Variants in RNF157 observed in about 807,000 individuals in gnomAD.
RNF157 encodes ring finger protein 157, also known as E3 ubiquitin ligase RNF157.
Under a neutral mutation model 88.3 loss-of-function variants are expected in RNF157, and 55 were observed. The observed-to-expected ratio is 0.62, with a 90% confidence interval of 0.50 to 0.78. The LOEUF is 0.78. Among genes scored for constraint, RNF157 ranks in the 30% least tolerant of loss-of-function variants. RNF157 has a pLI of 0.00. For synonymous variants in RNF157, 334 were observed against 341.2 expected (o/e 0.98, Z 0.23); for missense variants, 788 against 860.8 (o/e 0.92, Z 1.06).
At chr17:76,218,580 T>C (rs1598438389) in intron 1 of RNF157, among the ~76,000 whole-genome samples, 1 of 150,128 alleles carries the variant, frequency 6.7e-6, no homozygotes, top group African/African-American at 2.5e-5. Context: ...AAGGCAGGAG[T>C]GAGCTATGAT....
rs927849494 is a variant in RNF157, at chr17:76,226,918, G to A, written c.88+13235C>T. On this transcript the variant is annotated intron_variant, in intron 1 of 18. Coordinates refer to ENST00000269391, the MANE Select transcript of RNF157 (RefSeq NM_052916.3). ...GGAAGCGCCATGGCTTAAGCCGCTG[G>A]GGGGTGCCGCTGCAGAGCCTGGTGC... 10 of 833,068 alleles carry A rather than the reference G, an allele frequency of 1.2e-5. No individual in the cohort carries two copies. In the African/African-American group the frequency reaches 1.5e-4, roughly 13 times the overall value. 51.6% of individuals were successfully genotyped at this position (833,068 alleles called of 1,614,324 possible).
intron 1 of RNF157, chr17:76,225,912 T>C: frequency 6.2e-7 from 1 of 1,613,522 alleles, no homozygotes; most frequent in Non-Finnish European, 8.5e-7. Flanking sequence ...TCCGCCCTCT[T>C]CTTCTGGCGG....
chr17:76,231,994 GAT>G (rs1470909801), intron 1 of RNF157, among the ~76,000 whole-genome samples: 1 of 152,062 alleles, frequency 6.6e-6, no homozygotes, highest in African/African-American at 2.4e-5. Flanking sequence ...AAACTCATAC[GAT>G]ATATAGTCTT....
chr17:76,183,062 G>A (rs1375168929), intron 2 of RNF157, among the ~76,000 whole-genome samples: 2 of 151,836 alleles, frequency 1.3e-5, no homozygotes, highest in Non-Finnish European at 2.9e-5. Context: ...TGCTTCCCGA[G>A]TAGCTGGGAT....
At chr17:76,179,271 G>A (rs910504466) in intron 2 of RNF157, among the ~76,000 whole-genome samples, 3 of 152,026 alleles carry the variant, frequency 2.0e-5, no homozygotes, top group African/African-American at 7.2e-5. Flanking sequence ...GCACACACCT[G>A]TAGTCCCAGC....
chr17:76,202,305 C>T (rs73360640), intron 2 of RNF157, among the ~76,000 whole-genome samples: 4,512 of 152,270 alleles, frequency 0.03, 245 homozygotes, highest in African/African-American at 0.1. Context: ...AAACATAACA[C>T]GTGCACAGCA....
At chr17:76,158,628 TTA>T (rs2068802968) in intron 12 of RNF157, 127 bp from the exon 13 acceptor site, 1 of 652,612 alleles carries the variant, frequency 1.5e-6, no homozygotes, top group Non-Finnish European at 2.8e-6. Flanking sequence ...CAGCATCTCA[TTA>T]TGTTTCCCAG....
At chr17:76,159,673 G>T in intron 11 of RNF157, 100 bp from the exon 12 acceptor site, 1 of 840,766 alleles carries the variant, frequency 1.2e-6, no homozygotes, top group Non-Finnish European at 1.9e-6. Context: ...TTTTATATCT[G>T]TTCTTGGGGG....
chr17:76,230,836 TAAA>T (rs1160772405), intron 1 of RNF157, among the ~76,000 whole-genome samples: 8,406 of 69,138 alleles, frequency 0.12, 491 homozygotes, highest in African/African-American at 0.23. Context: ...AGACTCCATC[TAAA>T]AAAAAAAAAA....
intron 2 of RNF157, among the ~76,000 whole-genome samples, chr17:76,185,702 C>A (rs1454738461): frequency 1.3e-5 from 2 of 152,024 alleles, no homozygotes; most frequent in Non-Finnish European, 2.9e-5. Flanking sequence ...ATCTCCTGAC[C>A]TCGTGATCCG....
At chr17:76,233,735 G>C (rs1043938981) in intron 1 of RNF157, among the ~76,000 whole-genome samples, 1 of 152,136 alleles carries the variant, frequency 6.6e-6, no homozygotes. Context: ...GTCTCACTCT[G>C]TTGCCCAGGC....
chr17:76,166,950 TAAG>T, intron 5 of RNF157, 56 bp downstream of exon 5: 1 of 1,197,456 alleles, frequency 8.4e-7, no homozygotes, highest in Non-Finnish European at 1.2e-6. Context: ...GACCGAGTCC[TAAG>T]TAGCCCCTAG....
chr17:76,190,842 A>T (rs2069373850), intron 2 of RNF157, among the ~76,000 whole-genome samples: 2 of 151,164 alleles, frequency 1.3e-5, no homozygotes, highest in African/African-American at 4.9e-5. Context: ...CGGGAGGCGG[A>T]GCTTGCAGTG....
At chr17:76,186,931 C>A (rs1450539651) in intron 2 of RNF157, among the ~76,000 whole-genome samples, 2 of 146,718 alleles carry the variant, frequency 1.4e-5, no homozygotes, top group Non-Finnish European at 3.0e-5. Flanking sequence ...CAGAATGAGA[C>A]TCCGACTCAA....
chr17:76,165,284 CTTTT>C (rs777561449), intron 7 of RNF157, among the ~76,000 whole-genome samples: 8 of 152,032 alleles, frequency 5.3e-5, no homozygotes, highest in African/African-American at 1.7e-4. Context: ...GCCTTTCTTT[CTTTT>C]ATTTATTTAT....
rs185094226 is a variant in RNF157 at position 76,155,022 on chromosome 17, C to T, written c.1764+230G>A. Among the ~76,000 whole-genome samples the T allele has an allele frequency of 2.6e-5, 4 of 152,362 alleles. No individual in the cohort carries two copies. In the East Asian group the frequency reaches 7.7e-4, roughly 29 times the overall value. On this transcript the variant is annotated intron_variant, in intron 16 of 18. Coordinates refer to ENST00000269391, the MANE Select transcript of RNF157 (RefSeq NM_052916.3). ...GAAAAGTTCCCTCTTGAACTCACTC[C>T]ACACCAGTGACCCTGGGAACCAGTG... is the stretch of plus-strand genomic sequence containing the variant.
chr17:76,239,164 T>C (rs1298095643), intron 1 of RNF157, among the ~76,000 whole-genome samples: 3 of 152,214 alleles, frequency 2.0e-5, no homozygotes, highest in African/African-American at 7.2e-5. Flanking sequence ...CCATTCATCC[T>C]CAGAAGTCTT....
intron 2 of RNF157, among the ~76,000 whole-genome samples, chr17:76,210,623 G>T (rs867886440): frequency 9.4e-5 from 11 of 116,952 alleles, no homozygotes; most frequent in Non-Finnish European, 1.7e-4. Context: ...GAAAGAAAGA[G>T]AACAATGAAA....
At chr17:76,182,836 TGA>T (rs2069218602) in intron 2 of RNF157, among the ~76,000 whole-genome samples, 2 of 137,924 alleles carry the variant, frequency 1.5e-5, no homozygotes, top group Admixed American at 7.2e-5. Context: ...ATCCTATATA[TGA>T]TATATAGGAT....
Sources: allele counts gnomAD v4.1 joint callset (sites outside exome capture counted in the v4.1 genomes callset), GRCh38; gene constraint gnomAD v4.1.1; transcripts MANE v1.5; gene names NCBI Gene and HGNC (gene_info 2026-07-23, HGNC 2026-07-21).